AGXT2: variants seen among roughly 807,000 people sequenced by gnomAD.
AGXT2 encodes the protein alanine--glyoxylate aminotransferase 2, mitochondrial.
A neutral mutation model predicts 62.5 loss-of-function variants in AGXT2; 61 were observed. That is an observed-to-expected ratio of 0.98 (90% CI 0.79 to 1.21). The LOEUF (loss-of-function observed/expected upper bound fraction) is 1.21, where lower values mean the gene tolerates loss of function less well. Ranked by LOEUF, AGXT2 falls within the 50% of genes most tolerant of loss-of-function variation. The probability of loss-of-function intolerance (pLI) is 0.00; values close to 1 mark genes in which losing one functional copy is unlikely to be tolerated. For missense variants in AGXT2, 666 were observed against 641.5 expected (o/e 1.04, Z -0.41); for synonymous variants, 243 against 218.7 (o/e 1.11, Z -0.98).
intron 1 of AGXT2, among the ~76,000 whole-genome samples, chr5:35,044,313 C>T (rs1055005077): frequency 1.4e-4 from 21 of 152,196 alleles, no homozygotes; most frequent in African/African-American, 5.1e-4. Flanking sequence ...CTGGAGCTGC[C>T]AGCTTGGAGA....
Position 35,039,414 on chromosome 5 carries a change from C to T in AGXT2, c.272G>A (p.Gly91Glu). 1 of 1,614,130 alleles carries T rather than the reference C, an allele frequency of 6.2e-7. No individual in the cohort carries two copies. Among genetic ancestry groups the T allele is most frequent in the Non-Finnish European group, 8.5e-7 (1 of 1,179,988 alleles). ...AGCATCAAAGAGCCACTCCATGTGC[C>T]CCTGGTGGAGCAGCAGGGGTTTCTG... ...YFQKPLLLHQGHMEWLFDAEG... is the reference protein window; with the variant it reads ...YFQKPLLLHQEHMEWLFDAEG... The change falls in exon 3 of 14, where the codon GGG becomes GAG. Residue 91 changes from glycine to glutamate, a missense_variant. By Grantham distance (98) the Gly-to-Glu change is moderately conservative. Coordinates refer to ENST00000231420, the MANE Select transcript of AGXT2 (RefSeq NM_031900.4).
Position 35,020,076 on chromosome 5 carries a change from A to C in AGXT2, c.963+5687T>G, listed in dbSNP as rs1246467651. Among the ~76,000 whole-genome samples, 3 of 152,232 alleles carry C rather than the reference A, an allele frequency of 2.0e-5. No individual in the cohort carries two copies. The East Asian group carries it at 5.8e-4, about 29-fold the overall frequency. On this transcript the variant is annotated intron_variant, in intron 9 of 13. Transcript: ENST00000231420. Reference sequence around the variant, plus strand: ...TAACAGGATCTGAAATTGTGGCAATAATCAATAGCTTACCAACCAAAAAGA... The same window carrying C: ...TAACAGGATCTGAAATTGTGGCAATCATCAATAGCTTACCAACCAAAAAGA...
rs1561225334 is a variant in AGXT2, at chr5:35,026,435, G to T, written c.845C>A (p.Ala282Asp). The T allele has an allele frequency of 6.2e-7, 1 of 1,614,086 alleles. No homozygotes were observed. Reference protein sequence around the residue: ...TLSTSVAKSIAGFFAEPIQGV... With the variant: ...TLSTSVAKSIDGFFAEPIQGV... Reference sequence around the variant, plus strand: ...TTGAATAGGTTCTGCGAAAAATCCAGCAATTGACTTGGCCACAGATGTGCT... The same window carrying T: ...TTGAATAGGTTCTGCGAAAAATCCATCAATTGACTTGGCCACAGATGTGCT... Residue 282 changes from alanine to aspartate, a missense_variant, in exon 8 of 14, where the codon GCT (alanine) becomes GAT (aspartate). Transcript: ENST00000231420.
intron 9 of AGXT2, among the ~76,000 whole-genome samples, chr5:35,016,862 A>G (rs1283241434): frequency 6.6e-6 from 1 of 152,148 alleles, no homozygotes; most frequent in Non-Finnish European, 1.5e-5. Context: ...AGGTCCACAA[A>G]CTCAACTGTC....
intron 4 of AGXT2, among the ~76,000 whole-genome samples, chr5:35,036,622 C>T (rs1015150707): frequency 6.6e-6 from 1 of 152,200 alleles, no homozygotes; most frequent in Non-Finnish European, 1.5e-5. Context: ...AAGAGGCCTA[C>T]GGCTCCTGGG....
rs371584296 is a variant in AGXT2 at position 35,012,941 on chromosome 5, C to T, written c.1188+13G>A. 140 of 1,551,258 alleles carry T rather than the reference C, an allele frequency of 9.0e-5. No homozygotes were observed. Among genetic ancestry groups the T allele is most frequent in the Non-Finnish European group, 1.1e-4 (122 of 1,146,746 alleles). ...GTGAAATGAGTGAGGTTAATGTGGC[C>T]GCTGGAACCAACCTCAAGCACAGCA... is the stretch of plus-strand genomic sequence containing the variant. On this transcript the variant is annotated intron_variant, in intron 11 of 13. Coordinates refer to ENST00000231420, the MANE Select transcript of AGXT2 (RefSeq NM_031900.4).
At chr5:35,034,882 C>G (rs1045565796) in intron 5 of AGXT2, among the ~76,000 whole-genome samples, 2 of 152,084 alleles carry the variant, frequency 1.3e-5, no homozygotes, top group African/African-American at 4.8e-5. Flanking sequence ...AGGTGGGGAA[C>G]AGTCATTTAC....
chr5:35,042,785 G>C (rs1432998712), intron 1 of AGXT2, among the ~76,000 whole-genome samples: 2 of 150,098 alleles, frequency 1.3e-5, no homozygotes, highest in East Asian at 3.9e-4. Context: ...AGAGATGGAG[G>C]TGGAGGGGAA....
chr5:35,010,058 A>G lies in AGXT2; in HGVS notation c.1280T>C (p.Ile427Thr). Residue 427 changes from isoleucine (I) to threonine (T), a missense_variant, in exon 12 of 14, where the codon ATT becomes ACT. Transcript: ENST00000231420. ...KFAKLRDEFE[I>T]VGDVRGKGLM... is the part of the protein sequence containing the mutation. ...ACCTTTGCCTCGGACGTCTCCAACA[A>G]TTTCAAATTCATCCCGCAGCTTAGC... 6.2e-7 allele frequency: 1 copy of G among 1,614,212 alleles called. No individual in the cohort carries two copies. The highest frequency in any genetic ancestry group is 8.5e-7 in the Non-Finnish European group (1 of 1,180,038).
At chr5:35,038,195 T>C (rs1445973637) in intron 3 of AGXT2, among the ~76,000 whole-genome samples, 1 of 152,236 alleles carries the variant, frequency 6.6e-6, no homozygotes, top group African/African-American at 2.4e-5. Context: ...CTGTGATCAG[T>C]GTTCCATGAA....
intron 7 of AGXT2, among the ~76,000 whole-genome samples, chr5:35,028,956 A>G (rs146442132): frequency 6.6e-6 from 1 of 152,248 alleles, no homozygotes; most frequent in East Asian, 1.9e-4. Flanking sequence ...CGAATTTTAT[A>G]CCTCAGCTCT....
chr5:35,039,649 C>T (rs1276991292), intron 2 of AGXT2, 141 bp from the exon 3 acceptor site: 1 of 751,238 alleles, frequency 1.3e-6, no homozygotes, highest in African/African-American at 1.8e-5. Context: ...GTGTACTTAC[C>T]CAATATCGTC....
At position 35,037,205 on chromosome 5, in the gene AGXT2, C is replaced by T. The variant is rs1409596590; in HGVS notation, c.363-140G>A. On this transcript the variant is annotated intron_variant, in intron 3 of 13. Coordinates refer to ENST00000231420, the MANE Select transcript of AGXT2 (RefSeq NM_031900.4). ...TTTTATTTACACATGAGAATAAACT[C>T]CTTTAACCACTAGAGGTGTCCAGAA... 10 of 1,254,898 alleles carry T rather than the reference C, an allele frequency of 8.0e-6. No individual in the cohort carries two copies. The Admixed American group carries it at 1.0e-4, about 13-fold the overall frequency. 77.7% of individuals were successfully genotyped at this position (1,254,898 alleles called of 1,614,324 possible).
At chr5:35,012,635 A>G (rs879659901) in intron 11 of AGXT2, 1 of 349,384 alleles carries the variant, frequency 2.9e-6, no homozygotes, top group Non-Finnish European at 5.5e-6. Flanking sequence ...CATGAAACTA[A>G]ATACAAGGAT....
chr5:35,014,452 C>CAAAAAAAAAAAAA (rs61052930), intron 9 of AGXT2, among the ~76,000 whole-genome samples: 1 of 86,258 alleles, frequency 1.2e-5, no homozygotes, highest in Admixed American at 1.5e-4. Context: ...GACTCCATCT[C>CAAAAAAAAAAAAA]AAAAAAAAAA....
intron 1 of AGXT2, among the ~76,000 whole-genome samples, 164 bp downstream of exon 1, chr5:35,047,640 TG>T (rs11341266): frequency 0.83 from 125,544 of 152,102 alleles, 52,770 homozygotes; most frequent in Non-Finnish European, 0.91. Flanking sequence ...GCTATGAAAA[TG>T]GGGCATTGAC....
intron 12 of AGXT2, among the ~76,000 whole-genome samples, chr5:35,007,565 T>C (rs2112179070): frequency 6.6e-6 from 1 of 152,204 alleles, no homozygotes; most frequent in South Asian, 2.1e-4. Context: ...AAAGCTTGAG[T>C]GGCATTTGGA....
At chr5:35,041,641 T>C (rs1484895427) in intron 1 of AGXT2, among the ~76,000 whole-genome samples, 1 of 152,180 alleles carries the variant, frequency 6.6e-6, no homozygotes, top group Non-Finnish European at 1.5e-5. Context: ...AAGGTCAACA[T>C]TAAGATAATT....
chr5:35,045,929 G>A lies in AGXT2; in HGVS notation c.88+1876C>T, dbSNP rs181406769. ...ACTACAGGCGTTCGCCACCATGCCC[G>A]ACTAATTTTTTGTACTTTTAGTACA... On this transcript the variant is annotated intron_variant, in intron 1 of 13. Coordinates refer to ENST00000231420, the MANE Select transcript of AGXT2 (RefSeq NM_031900.4). Among the ~76,000 whole-genome samples, 663 of 152,014 alleles carry A rather than the reference G, an allele frequency of 4.4e-3. 2 individuals are homozygous for A. Among genetic ancestry groups the A allele is most frequent in the Non-Finnish European group, 7.4e-3 (500 of 67,974 alleles).
Sources: allele counts gnomAD v4.1 joint callset (sites outside exome capture counted in the v4.1 genomes callset), GRCh38; gene constraint gnomAD v4.1.1; transcripts MANE v1.5; gene names NCBI Gene and HGNC (gene_info 2026-07-23, HGNC 2026-07-21).